PHF12: variants seen among roughly 807,000 people sequenced by gnomAD.
PHF12 encodes PHD finger protein 12.
Under a neutral mutation model 99.8 loss-of-function variants are expected in PHF12, and 6 were observed. The observed-to-expected ratio is 0.06, with a 90% confidence interval of 0.03 to 0.12. PHF12 has a LOEUF of 0.12. PHF12 is among the 10% of genes least tolerant of loss of function. The pLI, the probability that PHF12 is intolerant of heterozygous loss-of-function variation, is 1.00. For missense variants in PHF12, 954 were observed against 1,300.1 expected, an observed-to-expected ratio of 0.73 and a Z score of 4.09; for synonymous variants, 480 against 514.9, an observed-to-expected ratio of 0.93 and a Z score of 0.92.
chr17:28,921,187 T>C (rs370637617), intron 5 of PHF12, among the ~76,000 whole-genome samples: 1 of 151,116 alleles, frequency 6.6e-6, no homozygotes, highest in South Asian at 2.1e-4. Flanking sequence ...CCCGGCCCCT[T>C]GTTTTTGTTT....
chr17:28,916,951 A>G (rs1158286512), intron 7 of PHF12, among the ~76,000 whole-genome samples: 1 of 152,196 alleles, frequency 6.6e-6, no homozygotes, highest in Non-Finnish European at 1.5e-5. Context: ...TCTTGGACAG[A>G]GGCCATCTAA....
At chr17:28,926,740 C>A in intron 3 of PHF12, 2 of 1,431,340 alleles carry the variant, frequency 1.4e-6, no homozygotes, top group East Asian at 2.7e-5. Context: ...TAAGACTACT[C>A]CTGTCACTAG....
chr17:28,911,480 C>A, intron 9 of PHF12: 2 of 486,692 alleles, frequency 4.1e-6, no homozygotes, highest in Non-Finnish European at 7.3e-6. Context: ...ATCCACTGCT[C>A]TGGGGAAAGT....
rs551157916 is a variant in PHF12 at position 28,937,719 on chromosome 17, C to T, written c.249-10656G>A. On this transcript the variant is annotated intron_variant, in intron 2 of 14. Transcript: ENST00000332830. ...GGAGGGTAGAGCACTGACAGTTATA[C>T]CAGGTGTTTGCCTCTGCTAACTTTT... is the stretch of plus-strand genomic sequence containing the variant. Among the ~76,000 whole-genome samples the T allele has an allele frequency of 4.5e-4, 68 of 152,286 alleles. No individual in the cohort carries two copies. The South Asian group carries it at 0.014, about 31-fold the overall frequency.
Position 28,951,263 on chromosome 17 carries a change from A to C in PHF12, c.-303T>G. 1 of 1,203,424 alleles carries C rather than the reference A, an allele frequency of 8.3e-7. No individual in the cohort carries two copies. The highest frequency in any genetic ancestry group is 4.4e-5 in the East Asian group (1 of 22,664). The allele number at this position is 1,203,424 out of a possible 1,614,324, so 74.5% of individuals were successfully genotyped here. On this transcript the variant is annotated 5_prime_UTR_variant, in exon 1 of 15. Coordinates refer to ENST00000332830, the MANE Select transcript of PHF12 (RefSeq NM_001033561.2). The stretch of plus-strand genomic sequence containing the variant: ...CCTAGTCCCACAGGCTAAAGCCGGC[A>C]CTGGCGACAGCCGGTCCGGCCGGGA...
intron 7 of PHF12, among the ~76,000 whole-genome samples, chr17:28,915,211 T>C (rs1397039705): frequency 6.6e-6 from 1 of 152,186 alleles, no homozygotes; most frequent in African/African-American, 2.4e-5. Context: ...GAGAAGCATG[T>C]AAGGCATAGA....
At position 28,911,163 on chromosome 17, in the gene PHF12, C is replaced by T; in HGVS notation, c.2164G>A (p.Ala722Thr). The T allele has an allele frequency of 1.9e-6, 3 of 1,614,180 alleles. No individual in the cohort carries two copies. Among genetic ancestry groups the T allele is most frequent in the Non-Finnish European group, 2.5e-6 (3 of 1,180,046 alleles). ...TVPSFPANST[A>T]MVDLTNSLRA... ...AGTGAGTTGGTGAGGTCCACCATGG[C>T]AGTAGAGTTGGCTGGGAAAGAGGGT... The change falls in exon 10 of 15, where the codon GCC becomes ACC. Residue 722 changes from alanine (A) to threonine (T), a missense_variant. Coordinates refer to ENST00000332830, the MANE Select transcript of PHF12 (RefSeq NM_001033561.2).
At chr17:28,927,154 A>G (rs2040295425) in intron 2 of PHF12, 91 bp from the exon 3 acceptor site, 6 of 1,204,004 alleles carry the variant, frequency 5.0e-6, no homozygotes, top group Middle Eastern at 5.0e-4. Flanking sequence ...CTAAACTCCT[A>G]TTGTGGCCAG....
At chr17:28,927,089 C>A in intron 2 of PHF12, 26 bp from the exon 3 acceptor site, 1 of 1,593,722 alleles carries the variant, frequency 6.3e-7, no homozygotes, top group Non-Finnish European at 8.6e-7. Flanking sequence ...AAGGGCAAGA[C>A]TAAATAACTA....
At chr17:28,921,580 G>A in intron 5 of PHF12, 108 bp downstream of exon 5, 2 of 1,388,342 alleles carry the variant, frequency 1.4e-6, no homozygotes, top group Non-Finnish European at 2.0e-6. Flanking sequence ...CATACTATCA[G>A]AATATGGGCT....
chr17:28,912,571 G>C lies in PHF12; in HGVS notation c.2000C>G (p.Thr667Ser). The C allele has an allele frequency of 6.2e-7, 1 of 1,614,216 alleles. No homozygotes were observed. Among genetic ancestry groups the C allele is most frequent in the Non-Finnish European group, 8.5e-7 (1 of 1,180,006 alleles). Residue 667 changes from threonine (T) to serine (S), a missense_variant, in exon 9 of 15, where the codon ACC (threonine) becomes AGC (serine). This residue lies in a region of PHF12 where 392 missense variants were observed against 423.1 expected (regional missense o/e 0.93). Transcript: ENST00000332830. ...TGCTTGCGGGGGAGTGAGCACCCGG[G>C]TGGCGTTTGGGGGTGAGCCCAGTGG... ...SRPLGSPPNA[T>S]RVLTPPQAAG...
At chr17:28,929,406 C>T (rs1456108812) in intron 2 of PHF12, among the ~76,000 whole-genome samples, 1 of 151,854 alleles carries the variant, frequency 6.6e-6, no homozygotes. Context: ...CCATGCCTGG[C>T]AAATTTTTTA....
At chr17:28,940,406 A>T (rs2040592299) in intron 2 of PHF12, among the ~76,000 whole-genome samples, 1 of 152,238 alleles carries the variant, frequency 6.6e-6, no homozygotes, top group African/African-American at 2.4e-5. Context: ...TCACTCTCTG[A>T]GTGAGCAAGT....
Position 28,950,705 on chromosome 17 carries a change from C to T in PHF12, c.66+190G>A. The T allele has an allele frequency of 1.3e-6, 1 of 797,492 alleles. No individual in the cohort carries two copies. The highest frequency in any genetic ancestry group is 1.8e-6 in the Non-Finnish European group (1 of 551,364). 49.4% of individuals were successfully genotyped at this position (797,492 alleles called of 1,614,324 possible). ...AATCGAGGGCGGCGGGTAGGTGAAA[C>T]TGCTGCAAACGTCCTCGGAGGCTGA... On this transcript the variant is annotated intron_variant, in intron 1 of 14. Coordinates refer to ENST00000332830, the MANE Select transcript of PHF12 (RefSeq NM_001033561.2). The surrounding 1 kb of genome is among the most constrained non-coding windows in gnomAD (Gnocchi z 5.7).
intron 2 of PHF12, among the ~76,000 whole-genome samples, chr17:28,935,925 T>C (rs2040500533): frequency 6.6e-6 from 1 of 152,320 alleles, no homozygotes; most frequent in South Asian, 2.1e-4. Flanking sequence ...CTAACTGTAA[T>C]GCCTATACTG....
intron 2 of PHF12, among the ~76,000 whole-genome samples, chr17:28,948,953 G>A (rs993378908): frequency 2.0e-5 from 3 of 152,146 alleles, no homozygotes; most frequent in African/African-American, 7.2e-5. Flanking sequence ...GTGGAGGGCA[G>A]AGGTGATTTC....
intron 3 of PHF12, 136 bp from the exon 4 acceptor site, chr17:28,924,438 T>C: frequency 1.7e-6 from 2 of 1,173,504 alleles, no homozygotes; most frequent in Non-Finnish European, 2.5e-6. Context: ...CCTGGTCACT[T>C]GGAACACTGG....
Position 28,907,619 on chromosome 17 carries a change from C to A in PHF12, c.2512G>T (p.Gly838Trp), listed in dbSNP as rs756452000. ...TCGTAGAATATGCAGGCATGTTTCCCGGACACGTAGTTACAGTGACCATAG... is the reference window on the plus strand; with the variant it reads ...TCGTAGAATATGCAGGCATGTTTCCAGGACACGTAGTTACAGTGACCATAG... Reference protein sequence around the residue: ...TNYGHCNYVSGKHACIFYDEN... With the variant: ...TNYGHCNYVSWKHACIFYDEN... Residue 838 changes from glycine (G) to tryptophan (W), a missense_variant, in exon 13 of 15, where the codon GGG (glycine) becomes TGG (tryptophan). Around this residue, in one of 8 missense-constraint regions of PHF12, gnomAD observed 143 missense variants for 191.8 expected, o/e 0.75. Coordinates refer to ENST00000332830, the MANE Select transcript of PHF12 (RefSeq NM_001033561.2). 1 of 1,613,968 alleles carries A rather than the reference C, an allele frequency of 6.2e-7. No homozygotes were observed. Among genetic ancestry groups the A allele is most frequent in the Non-Finnish European group, 8.5e-7 (1 of 1,179,922 alleles).
chr17:28,917,586 ACT>A, intron 6 of PHF12, 137 bp from the exon 7 acceptor site: 1 of 905,998 alleles, frequency 1.1e-6, no homozygotes, highest in Non-Finnish European at 1.6e-6. Context: ...GGATGTCGGC[ACT>A]CTTTGTCAGA....
Sources: gnomAD v4.1 joint callset for allele counts (sites outside exome capture counted in the v4.1 genomes callset) on GRCh38, gnomAD v4.1.1 for gene constraint, gnomAD v4.1.1 regional missense constraint, Gnocchi (gnomAD v3.1) non-coding constraint, MANE v1.5 for transcripts, NCBI Gene and HGNC (gene_info 2026-07-23, HGNC 2026-07-21) for gene names.